The following ZNF469 variants were observed in gnomAD, a reference collection of about 807,000 sequenced individuals.
ZNF469 encodes the protein zinc finger protein 469.
A neutral mutation model predicts 1.0 loss-of-function variants in ZNF469; 1 was observed. The observed-to-expected ratio is 1.00, with a 90% CI of 0.35 to 4.73. ZNF469 has a LOEUF of 4.73. Ranked by LOEUF, ZNF469 falls within the 30% of genes most tolerant of loss-of-function variation. The probability of loss-of-function intolerance (pLI) is 0.16; values close to 1 mark genes in which losing one functional copy is unlikely to be tolerated. For synonymous variants in ZNF469, 2,703 were observed against 2,363.4 expected (o/e 1.14, Z -4.17); for missense variants, 6,100 against 5,356.3 (o/e 1.14, Z -4.33).
rs1905783317 is a variant in ZNF469 at position 88,427,716 on chromosome 16, C to T, written c.246C>T (p.Ala82=). The change falls in exon 3 of 3, where the codon GCC becomes GCT. Residue 82 remains alanine, a synonymous_variant. Coordinates refer to ENST00000565624, the MANE Select transcript of ZNF469 (RefSeq NM_001367624.2). ...AGCCCCCATCCCTGAGAGGCCAGGC[C>T]CCGAGCAGCACCCCTGGGAAGAGGG... The part of the protein sequence containing the change: ...ELKPPSLRGQ[A]PSSTPGKRGS... The T allele has an allele frequency of 2.0e-6, 3 of 1,534,838 alleles. No individual in the cohort carries two copies. The highest frequency in any genetic ancestry group is 2.4e-5 in the South Asian group (2 of 83,726).
At chr16:88,340,630 A>T in the ZNF469 span, among the ~76,000 whole-genome samples, 2 of 152,138 alleles carry the variant, frequency 1.3e-5, no homozygotes, top group African/African-American at 4.8e-5. Context: ...GCCCAGAGGG[A>T]GGAAGGAACA....
the ZNF469 span, among the ~76,000 whole-genome samples, chr16:88,372,377 CCAT>C: frequency 1.4e-5 from 2 of 142,602 alleles, no homozygotes; most frequent in African/African-American, 2.7e-5. Context: ...ACCATCATCC[CCAT>C]CATCATCACC....
the ZNF469 span, among the ~76,000 whole-genome samples, chr16:88,254,901 G>A: frequency 2.6e-5 from 4 of 151,882 alleles, no homozygotes; most frequent in South Asian, 8.3e-4. Flanking sequence ...TAAATTTTGG[G>A]GAAAATTAAC....
At chr16:88,107,850 C>T in the ZNF469 span, among the ~76,000 whole-genome samples, 1 of 152,354 alleles carries the variant, frequency 6.6e-6, no homozygotes, top group African/African-American at 2.4e-5. Context: ...CCCCACAGGG[C>T]CCATGTTGGG....
chr16:88,327,696 C>G, the ZNF469 span, among the ~76,000 whole-genome samples: 7 of 152,182 alleles, frequency 4.6e-5, no homozygotes, highest in African/African-American at 1.7e-4. Flanking sequence ...TCCCCTCCCA[C>G]CTTCCGTGCA....
chr16:88,183,062 T>C, the ZNF469 span, among the ~76,000 whole-genome samples: 2 of 152,136 alleles, frequency 1.3e-5, no homozygotes, highest in Non-Finnish European at 2.9e-5. Context: ...TATAATCCAC[T>C]AAAAAGTAGG....
the ZNF469 span, among the ~76,000 whole-genome samples, chr16:88,146,571 G>T: frequency 6.6e-6 from 1 of 152,090 alleles, no homozygotes; most frequent in Non-Finnish European, 1.5e-5. Context: ...GGTGGCCAGG[G>T]CCCAAAGCAG....
At chr16:88,266,800 G>A in the ZNF469 span, among the ~76,000 whole-genome samples, 1 of 152,236 alleles carries the variant, frequency 6.6e-6, no homozygotes, top group Non-Finnish European at 1.5e-5. Context: ...AGTTTCAGCA[G>A]CTGGACTTGC....
At chr16:88,199,462 C>A in the ZNF469 span, among the ~76,000 whole-genome samples, 1 of 152,230 alleles carries the variant, frequency 6.6e-6, no homozygotes, top group Non-Finnish European at 1.5e-5. Flanking sequence ...GGGAAGGAAT[C>A]CACCTGCCCC....
At chr16:88,129,776 A>T in the ZNF469 span, among the ~76,000 whole-genome samples, 119 of 152,348 alleles carry the variant, frequency 7.8e-4, 3 homozygotes, top group South Asian at 0.015. Context: ...TGGGAGGATC[A>T]CTTCAGTCCA....
chr16:88,203,205 G>A, the ZNF469 span, among the ~76,000 whole-genome samples: 1 of 152,146 alleles, frequency 6.6e-6, no homozygotes, highest in Admixed American at 6.5e-5. Context: ...GGAGAGTGAG[G>A]AACCCCCCAG....
chr16:88,415,924 A>C (rs914306263), intron 1 of ZNF469, among the ~76,000 whole-genome samples: 2 of 152,214 alleles, frequency 1.3e-5, no homozygotes, highest in African/African-American at 4.8e-5. Context: ...GGCCCCTCCC[A>C]GGACGACTCG....
intron 1 of ZNF469, among the ~76,000 whole-genome samples, chr16:88,422,551 G>T (rs1357763050): frequency 1.3e-5 from 2 of 148,864 alleles, no homozygotes; most frequent in Admixed American, 6.7e-5. Context: ...GTGGATGGGG[G>T]GATGGGCGGG....
At position 88,431,408 on chromosome 16, in the gene ZNF469, C is replaced by T; in HGVS notation, c.3938C>T (p.Ser1313Phe). 6.5e-7 allele frequency: 1 copy of T among 1,550,306 alleles called. No homozygotes were observed. The highest frequency in any genetic ancestry group is 2.4e-5 in the East Asian group (1 of 40,918). Residue 1313 changes from serine (S) to phenylalanine (F), a missense_variant, in exon 3 of 3, where the codon TCC becomes TTC. Physicochemically the swap from Ser to Phe is radical, Grantham distance 155 (BLOSUM62 -2). Coordinates refer to ENST00000565624, the MANE Select transcript of ZNF469 (RefSeq NM_001367624.2). ...CCTGGGGGCACACAGGCCCCAGTCT[C>T]CCACAACAGCAAGGACCCCCCTGCC... ...GGPGGTQAPV[S>F]HNSKDPPARQ...
the ZNF469 span, among the ~76,000 whole-genome samples, chr16:88,249,437 T>C: frequency 1.7e-5 from 1 of 59,834 alleles, no homozygotes; most frequent in Non-Finnish European, 4.9e-5. Flanking sequence ...TTCTTTTTTT[T>C]TTTTTTTTTT....
At chr16:88,412,013 C>T (rs1187813458) in intron 1 of ZNF469, among the ~76,000 whole-genome samples, 2 of 226 alleles carry the variant, frequency 8.8e-3, no homozygotes, top group Admixed American at 0.067. Flanking sequence ...GGTCCCAAGA[C>T]CCTGTTGGTC....
the ZNF469 span, among the ~76,000 whole-genome samples, chr16:88,356,151 C>A: frequency 3.9e-5 from 6 of 152,180 alleles, no homozygotes; most frequent in African/African-American, 1.4e-4. Context: ...CACCCGTACC[C>A]TCCATCCCTC....
the ZNF469 span, among the ~76,000 whole-genome samples, chr16:88,301,951 A>G: frequency 1.3e-5 from 2 of 152,034 alleles, no homozygotes; most frequent in African/African-American, 2.4e-5. Flanking sequence ...TCCTCCCCCA[A>G]TCCTTGTTAC....
At chr16:88,301,335 T>C in the ZNF469 span, among the ~76,000 whole-genome samples, 1 of 152,066 alleles carries the variant, frequency 6.6e-6, no homozygotes, top group Non-Finnish European at 1.5e-5. Context: ...TTTGTATTTT[T>C]AGTAGAGACG....
Sources: gnomAD v4.1 joint callset for allele counts (sites outside exome capture counted in the v4.1 genomes callset) on GRCh38, gnomAD v4.1.1 for gene constraint, MANE v1.5 for transcripts, NCBI Gene and HGNC (gene_info 2026-07-23, HGNC 2026-07-21) for gene names.